ANO2: variants seen among roughly 807,000 people sequenced by gnomAD.
ANO2 encodes the protein anoctamin-2.
Under a neutral mutation model 124.2 loss-of-function variants are expected in ANO2, and 101 were observed. The ratio of observed to expected loss-of-function variants is 0.81; its 90% confidence interval spans 0.69 to 0.96. The LOEUF (loss-of-function observed/expected upper bound fraction) is 0.96. ANO2 is among the 40% of genes least tolerant of loss of function. The pLI is 0.00. For missense variants in ANO2, 1,293 were observed against 1,274.5 expected, an observed-to-expected ratio of 1.01 and a Z score of -0.22; for synonymous variants, 486 against 482.5, an observed-to-expected ratio of 1.01 and a Z score of -0.09.
At chr12:5,853,212 G>A (rs1232673402) in intron 4 of ANO2, among the ~76,000 whole-genome samples, 3 of 143,780 alleles carry the variant, frequency 2.1e-5, no homozygotes, top group Non-Finnish European at 3.0e-5. Flanking sequence ...ATGTTGCCCA[G>A]GCTGGTCTCA....
intron 4 of ANO2, among the ~76,000 whole-genome samples, chr12:5,835,079 AT>A (rs1354341427): frequency 6.6e-6 from 1 of 152,202 alleles, no homozygotes; most frequent in African/African-American, 2.4e-5. Flanking sequence ...TAAGTTTTAT[AT>A]CTTGTTTTGG....
chr12:5,615,137 C>A (rs1277476183), intron 17 of ANO2, 49 bp downstream of exon 17: 1 of 1,490,168 alleles, frequency 6.7e-7, no homozygotes, highest in Non-Finnish European at 9.3e-7. Context: ...GTAGAGAACC[C>A]AGTCTTAGTG....
intron 3 of ANO2, among the ~76,000 whole-genome samples, chr12:5,919,863 A>G (rs1044320538): frequency 6.6e-6 from 1 of 152,004 alleles, no homozygotes; most frequent in African/African-American, 2.4e-5. Context: ...AGGCCCAGCT[A>G]ATTTTTTGTG....
chr12:5,911,525 T>C (rs140332118), intron 3 of ANO2, among the ~76,000 whole-genome samples: 51 of 152,230 alleles, frequency 3.4e-4, no homozygotes, highest in African/African-American at 1.2e-3. Flanking sequence ...AATGCAGACA[T>C]TGATGTGAAT....
intron 15 of ANO2, among the ~76,000 whole-genome samples, chr12:5,640,887 G>T (rs542726052): frequency 6.6e-6 from 1 of 152,248 alleles, no homozygotes; most frequent in East Asian, 1.9e-4. Context: ...CATACCCAAA[G>T]GATTATAAAT....
intron 3 of ANO2, among the ~76,000 whole-genome samples, chr12:5,877,366 A>G (rs1301935297): frequency 6.6e-6 from 1 of 152,188 alleles, no homozygotes; most frequent in Non-Finnish European, 1.5e-5. Flanking sequence ...CCCTGCTGGC[A>G]CTTTCATTTT....
At chr12:5,592,969 G>A (rs2136870938) in intron 20 of ANO2, among the ~76,000 whole-genome samples, 1 of 152,316 alleles carries the variant, frequency 6.6e-6, no homozygotes, top group South Asian at 2.1e-4. Context: ...CCTGCCCTAT[G>A]CATTTCCTTG....
intron 10 of ANO2, among the ~76,000 whole-genome samples, chr12:5,752,586 C>T (rs994592436): frequency 2.6e-5 from 4 of 152,030 alleles, no homozygotes; most frequent in Non-Finnish European, 5.9e-5. Context: ...CTTTGTTTTG[C>T]CACTGAATTG....
In ANO2 at chr12:5,671,996, C is replaced by T. The variant is rs144633793; in HGVS notation, c.1546-24195G>A. ...TCCCTCTGGTGCCTGTGGTGTCACA[C>T]GCCACATCCACATAGCATTGCACAT... is the stretch of plus-strand genomic sequence containing the variant. On this transcript the variant is annotated intron_variant, in intron 14 of 24. Coordinates refer to ENST00000682330, the MANE Select transcript of ANO2 (RefSeq NM_001364791.2). 6.5e-3 allele frequency among the ~76,000 whole-genome samples: 986 copies of T among 152,310 alleles called. 10 individuals carry two copies. The highest frequency in any genetic ancestry group is 0.023 in the African/African-American group (957 of 41,558).
chr12:5,703,123 T>G (rs1164126411), intron 14 of ANO2, among the ~76,000 whole-genome samples: 1 of 152,134 alleles, frequency 6.6e-6, no homozygotes, highest in Non-Finnish European at 1.5e-5. Flanking sequence ...GGTAAATAAA[T>G]GATGGCATAT....
At chr12:5,695,584 C>T (rs571073577) in intron 14 of ANO2, among the ~76,000 whole-genome samples, 8 of 152,318 alleles carry the variant, frequency 5.3e-5, no homozygotes, top group African/African-American at 1.9e-4. Flanking sequence ...CTCATGCCTG[C>T]AATCCCAGCA....
At chr12:5,650,418 T>A (rs914783741) in intron 14 of ANO2, among the ~76,000 whole-genome samples, 4 of 152,180 alleles carry the variant, frequency 2.6e-5, no homozygotes, top group African/African-American at 9.7e-5. Context: ...TGGTGATCTC[T>A]TTTTTCTGGA....
intron 7 of ANO2, among the ~76,000 whole-genome samples, chr12:5,817,110 G>A (rs1186366309): frequency 6.6e-6 from 1 of 152,122 alleles, no homozygotes; most frequent in Non-Finnish European, 1.5e-5. Context: ...TAAAGCAGAG[G>A]GCGTCTAGTC....
intron 10 of ANO2, among the ~76,000 whole-genome samples, chr12:5,785,444 A>G (rs1952513465): frequency 6.6e-6 from 1 of 152,138 alleles, no homozygotes; most frequent in African/African-American, 2.4e-5. Flanking sequence ...TTCACTGCTC[A>G]CTGGTCCTGC....
At chr12:5,733,828 T>G (rs150294810) in intron 13 of ANO2, among the ~76,000 whole-genome samples, 1 of 152,382 alleles carries the variant, frequency 6.6e-6, no homozygotes, top group East Asian at 1.9e-4. Context: ...CCTCCCTCTC[T>G]GAATTCCGAA....
At chr12:5,777,403 C>CA (rs780990123) in intron 10 of ANO2, among the ~76,000 whole-genome samples, 7 of 147,994 alleles carry the variant, frequency 4.7e-5, no homozygotes, top group Non-Finnish European at 8.9e-5. Context: ...GCAAAGGCTG[C>CA]AAAAAATCAG....
In ANO2 at chr12:5,874,360, G is replaced by A. The variant is rs775324537; in HGVS notation, c.535-20219C>T. Among the ~76,000 whole-genome samples the A allele has an allele frequency of 3.3e-5, 5 of 152,310 alleles. No homozygotes were observed. The South Asian group carries it at 8.3e-4, about 25-fold the overall frequency. The stretch of plus-strand genomic sequence containing the variant: ...AGCTGAGTGAGCTTGGGGAAGTCAC[G>A]TCCCTTCCTCTCCCTTCTCTTGCCC... On this transcript the variant is annotated intron_variant, in intron 3 of 24. Coordinates refer to ENST00000682330, the MANE Select transcript of ANO2 (RefSeq NM_001364791.2).
intron 16 of ANO2, among the ~76,000 whole-genome samples, chr12:5,623,787 C>T (rs182131782): frequency 1.3e-5 from 2 of 152,372 alleles, no homozygotes; most frequent in East Asian, 3.9e-4. Context: ...CCTGCTCTTC[C>T]CCTTACCTCT....
chr12:5,879,866 T>C (rs956346490), intron 3 of ANO2, among the ~76,000 whole-genome samples: 3 of 152,078 alleles, frequency 2.0e-5, no homozygotes, highest in African/African-American at 7.2e-5. Flanking sequence ...CTGAGGTGCT[T>C]AGAAGCCATT....
Sources: gnomAD v4.1 joint callset for allele counts (sites outside exome capture counted in the v4.1 genomes callset) on GRCh38, gnomAD v4.1.1 for gene constraint, MANE v1.5 for transcripts, NCBI Gene and HGNC (gene_info 2026-07-23, HGNC 2026-07-21) for gene names.